Variants in SHC3 observed in about 807,000 individuals in gnomAD.
The protein encoded by SHC3 is SHC-transforming protein 3.
In SHC3, 15 loss-of-function variants were observed where a neutral mutation model predicts 60.4. The observed-to-expected ratio is 0.25, with a 90% CI of 0.17 to 0.38. The LOEUF is 0.38. Among genes scored for constraint, SHC3 ranks in the 10% least tolerant of loss-of-function variants. SHC3 has a pLI of 1.00. For missense variants in SHC3, 677 were observed against 786.1 expected, an observed-to-expected ratio of 0.86 and a Z score of 1.66; for synonymous variants, 294 against 325.9, an observed-to-expected ratio of 0.90 and a Z score of 1.05.
At chr9:89,164,207 G>C (rs1826751576) in intron 1 of SHC3, among the ~76,000 whole-genome samples, 2 of 152,110 alleles carry the variant, frequency 1.3e-5, no homozygotes, top group Non-Finnish European at 2.9e-5. Context: ...GATTCTCAGG[G>C]GCTCCGGCAT....
intron 1 of SHC3, among the ~76,000 whole-genome samples, chr9:89,141,395 G>T (rs74919013): frequency 6.6e-6 from 1 of 151,138 alleles, no homozygotes; most frequent in African/African-American, 2.4e-5. Flanking sequence ...CAGCTTAAGA[G>T]TAGCCTCACA....
At chr9:89,166,523 A>T (rs1030935436) in intron 1 of SHC3, among the ~76,000 whole-genome samples, 1 of 152,224 alleles carries the variant, frequency 6.6e-6, no homozygotes, top group African/African-American at 2.4e-5. Flanking sequence ...CAAGGCCGAG[A>T]CTGGGAGTCC....
At chr9:89,067,026 G>C (rs142487026) in intron 5 of SHC3, among the ~76,000 whole-genome samples, 2 of 152,144 alleles carry the variant, frequency 1.3e-5, no homozygotes, top group Non-Finnish European at 2.9e-5. Context: ...CTGCTTCCCC[G>C]GTCATTCTGC....
intron 1 of SHC3, among the ~76,000 whole-genome samples, chr9:89,177,719 G>A (rs1327598475): frequency 6.6e-6 from 1 of 152,230 alleles, no homozygotes; most frequent in Non-Finnish European, 1.5e-5. Flanking sequence ...TGGCAAAGGC[G>A]TGCCAAAAAA....
Position 89,077,910 on chromosome 9 carries a change from A to G in SHC3, c.546-7T>C. On this transcript the variant is annotated splice_region_variant and splice_polypyrimidine_tract_variant and intron_variant, in intron 2 of 11. Transcript: ENST00000375835. ...GACGCGGCTGATGGCTTCCCTTAGG[A>G]CAGGAAGAAAAAGCAATTTTATTAC... is the stretch of plus-strand genomic sequence containing the variant. 1.9e-6 allele frequency: 3 copies of G among 1,614,178 alleles called. No homozygotes were observed. Among genetic ancestry groups the G allele is most frequent in the Non-Finnish European group, 2.5e-6 (3 of 1,180,020 alleles).
intron 1 of SHC3, among the ~76,000 whole-genome samples, chr9:89,164,606 C>A (rs1027951238): frequency 6.6e-6 from 1 of 151,774 alleles, no homozygotes. Context: ...CAGCAGAGAG[C>A]TTTTAATTAG....
At chr9:89,016,875 G>A (rs1826103253) in intron 11 of SHC3, among the ~76,000 whole-genome samples, 2 of 152,066 alleles carry the variant, frequency 1.3e-5, no homozygotes, top group South Asian at 4.1e-4. Flanking sequence ...GAAATCAATT[G>A]CTTTTATCCA....
intron 11 of SHC3, among the ~76,000 whole-genome samples, chr9:89,032,236 T>G (rs529897506): frequency 6.6e-6 from 1 of 152,248 alleles, no homozygotes; most frequent in South Asian, 2.1e-4. Context: ...CATTATAAAG[T>G]GAGGATTAGG....
At chr9:89,093,912 T>C (rs1044994546) in intron 2 of SHC3, among the ~76,000 whole-genome samples, 24 of 152,086 alleles carry the variant, frequency 1.6e-4, no homozygotes, top group African/African-American at 4.6e-4. Context: ...GAGACCAGCC[T>C]GGCCAATATG....
intron 11 of SHC3, among the ~76,000 whole-genome samples, chr9:89,017,259 T>C (rs1826113038): frequency 6.6e-6 from 1 of 152,226 alleles, no homozygotes; most frequent in Non-Finnish European, 1.5e-5. Context: ...ACTACAAGGC[T>C]ACAGTAACCA....
rs533922687 is a variant in SHC3, at chr9:89,093,745, T to G, written c.546-15842A>C. ...CAGGGGCTTTCTTTGGTCTGGAATATTCTGATCTGGGTGACTATTACTTGG... is the reference window on the plus strand; with the variant it reads ...CAGGGGCTTTCTTTGGTCTGGAATAGTCTGATCTGGGTGACTATTACTTGG... On this transcript the variant is annotated intron_variant, in intron 2 of 11. Transcript: ENST00000375835. Among the ~76,000 whole-genome samples the G allele has an allele frequency of 2.0e-5, 3 of 152,280 alleles. No individual in the cohort carries two copies. In the East Asian group the frequency reaches 5.8e-4, roughly 29 times the overall value.
chr9:89,071,115 G>A lies in SHC3; in HGVS notation c.783+84C>T. The A allele has an allele frequency of 5.3e-6, 7 of 1,311,632 alleles. No individual in the cohort carries two copies. The South Asian group carries it at 7.4e-5, about 14-fold the overall frequency. 81.2% of individuals were successfully genotyped at this position (1,311,632 alleles called of 1,614,324 possible). On this transcript the variant is annotated intron_variant, in intron 5 of 11. Transcript: ENST00000375835. ...CATCACAATTAACCTTTTTTACAGT[G>A]TCTTGCAAGGCATATTATTGAAGCA...
intron 1 of SHC3, among the ~76,000 whole-genome samples, chr9:89,131,919 C>T (rs1427700921): frequency 6.6e-6 from 1 of 151,984 alleles, no homozygotes; most frequent in East Asian, 1.9e-4. Flanking sequence ...GGCAATCAGG[C>T]AAGAGAAAGA....
chr9:89,168,069 C>T (rs529161477), intron 1 of SHC3, among the ~76,000 whole-genome samples: 1 of 152,354 alleles, frequency 6.6e-6, no homozygotes, highest in East Asian at 1.9e-4. Context: ...CTACAGCTCT[C>T]CCTGTGGGCA....
intron 1 of SHC3, among the ~76,000 whole-genome samples, chr9:89,142,334 T>C (rs1261290850): frequency 6.6e-6 from 1 of 152,082 alleles, no homozygotes; most frequent in Non-Finnish European, 1.5e-5. Flanking sequence ...CCAAGGCAGG[T>C]GGATCACTTG....
At chr9:89,147,713 C>T (rs17527693) in intron 1 of SHC3, among the ~76,000 whole-genome samples, 3,467 of 152,074 alleles carry the variant, frequency 0.023, 60 homozygotes, top group Middle Eastern at 0.071. Context: ...AGGTAGGCAC[C>T]GAGAATATAA....
At chr9:89,154,883 G>T (rs2118226734) in intron 1 of SHC3, among the ~76,000 whole-genome samples, 1 of 152,326 alleles carries the variant, frequency 6.6e-6, no homozygotes, top group South Asian at 2.1e-4. Flanking sequence ...AAAGAGCAAA[G>T]GAATGTTCCA....
chr9:89,100,360 T>A (rs7873030), intron 2 of SHC3, among the ~76,000 whole-genome samples: 3,106 of 152,232 alleles, frequency 0.02, 105 homozygotes, highest in African/African-American at 0.07. Flanking sequence ...TATTGAGGTA[T>A]AATAAACCTT....
intron 6 of SHC3, 114 bp downstream of exon 6, chr9:89,065,415 A>G: frequency 9.1e-7 from 1 of 1,099,006 alleles, no homozygotes; most frequent in Non-Finnish European, 1.4e-6. Flanking sequence ...TAGTAATACA[A>G]GATGGCACTA....
Sources: allele counts gnomAD v4.1 joint callset (sites outside exome capture counted in the v4.1 genomes callset), GRCh38; gene constraint gnomAD v4.1.1; transcripts MANE v1.5; gene names NCBI Gene and HGNC (gene_info 2026-07-23, HGNC 2026-07-21).